DMD: variants seen among roughly 807,000 people sequenced by gnomAD.
DMD encodes the protein mutant dystrophin.
In DMD, 63 loss-of-function variants were observed where a neutral mutation model predicts 330.1. The observed-to-expected ratio is 0.19, with a 90% CI of 0.16 to 0.24. DMD has a LOEUF of 0.24. Ranked by LOEUF, DMD falls within the 10% of genes least tolerant of loss-of-function variation. The pLI is 1.00. For synonymous variants in DMD, 1,223 were observed against 959.8 expected, an observed-to-expected ratio of 1.27 and a Z score of -5.07; for missense variants, 3,344 against 2,684.1, an observed-to-expected ratio of 1.25 and a Z score of -5.43.
intron 44 of DMD, among the ~76,000 whole-genome samples, chrX:32,109,173 T>C: frequency 8.9e-6 from 1 of 111,982 alleles, no homozygotes; most frequent in Middle Eastern, 4.7e-3. Flanking sequence ...CTGTGTTTCT[T>C]CTGCTCAGTT....
At chrX:31,968,726 T>G (rs1188019513) in intron 44 of DMD, among the ~76,000 whole-genome samples, 2 of 111,649 alleles carry the variant, frequency 1.8e-5, no homozygotes, top group African/African-American at 6.5e-5. Flanking sequence ...AAAAGCACCC[T>G]CTCGGTTAGC....
intron 1 of DMD, among the ~76,000 whole-genome samples, chrX:33,084,274 A>G (rs750220952): frequency 1.8e-5 from 2 of 112,116 alleles, no homozygotes; most frequent in East Asian, 5.7e-4. Flanking sequence ...GAGCCCCCAA[A>G]TTTGTAACCA....
At chrX:32,824,650 C>T (rs1407413323) in intron 4 of DMD, among the ~76,000 whole-genome samples, 1 of 111,276 alleles carries the variant, frequency 9.0e-6, no homozygotes, top group Non-Finnish European at 1.9e-5. Context: ...ATATGAGGGA[C>T]CCTTGTAATG....
intron 11 of DMD, among the ~76,000 whole-genome samples, chrX:32,629,246 A>G (rs1014666216): frequency 1.8e-5 from 2 of 110,773 alleles, no homozygotes; most frequent in Non-Finnish European, 3.8e-5. Context: ...TGCTGAATTG[A>G]CCCCTTTATC....
intron 7 of DMD, among the ~76,000 whole-genome samples, chrX:32,700,472 A>C (rs1270874829): frequency 9.0e-6 from 1 of 111,167 alleles, no homozygotes; most frequent in African/African-American, 3.3e-5. Context: ...AGGAAAAATA[A>C]GTTCAGGAGA....
chrX:31,358,691 G>A (rs1322667682), intron 60 of DMD, among the ~76,000 whole-genome samples: 1 of 112,493 alleles, frequency 8.9e-6, no homozygotes, highest in Admixed American at 9.4e-5. Context: ...TTTAAAACAG[G>A]TTGTTCCCAT....
At chrX:31,188,361 T>A (rs1396456111) in intron 67 of DMD, among the ~76,000 whole-genome samples, 3 of 111,828 alleles carry the variant, frequency 2.7e-5, no homozygotes, top group African/African-American at 3.3e-5. Context: ...CAGAAAAAAA[T>A]ATATAGGGAT....
intron 20 of DMD, among the ~76,000 whole-genome samples, chrX:32,488,369 G>C (rs964497888): frequency 5.4e-5 from 6 of 110,792 alleles, no homozygotes; most frequent in African/African-American, 1.6e-4. Context: ...ATTCTGATAA[G>C]GCTCTCTAAC....
intron 52 of DMD, among the ~76,000 whole-genome samples, chrX:31,727,982 T>C (rs1645867268): frequency 8.9e-6 from 1 of 112,472 alleles, no homozygotes; most frequent in African/African-American, 3.2e-5. Flanking sequence ...AGAGCGCAGA[T>C]TTTCAAGTCA....
intron 2 of DMD, among the ~76,000 whole-genome samples, chrX:32,986,065 C>T (rs935726355): frequency 8.9e-6 from 1 of 111,824 alleles, no homozygotes; most frequent in Admixed American, 9.5e-5. Context: ...CTCACTTTCC[C>T]TCTCTGTAAA....
chrX:31,680,409 A>T (rs1232525292), intron 52 of DMD, among the ~76,000 whole-genome samples: 1 of 108,406 alleles, frequency 9.2e-6, no homozygotes, highest in Non-Finnish European at 1.9e-5. Context: ...TTGCTCTTGT[A>T]ACCCAGGCTG....
At chrX:32,913,385 G>C (rs1043126586) in intron 2 of DMD, among the ~76,000 whole-genome samples, 3 of 112,154 alleles carry the variant, frequency 2.7e-5, no homozygotes, top group African/African-American at 9.7e-5. Context: ...AATTTAAAGT[G>C]GACTTGCATA....
rs1283881574 is a variant in DMD at position 32,849,620 on chromosome X, C to T, written c.186+108G>A. The T allele has an allele frequency of 6.8e-6, 4 of 587,698 alleles. No individual in the cohort carries two copies. The African/African-American group carries it at 9.0e-5, about 13-fold the overall frequency. 48.4% of individuals were successfully genotyped at this position (587,698 alleles called of 1,213,427 possible). ...TACTAAGGAATAGGTATTGCTGTTT[C>T]AATCAGTACCTAGTCATTCTACTAG... On this transcript the variant is annotated intron_variant, in intron 3 of 78. Coordinates refer to ENST00000357033, the MANE Select transcript of DMD (RefSeq NM_004006.3).
intron 52 of DMD, among the ~76,000 whole-genome samples, chrX:31,685,955 C>T (rs2082663646): frequency 8.9e-6 from 1 of 111,926 alleles, no homozygotes; most frequent in East Asian, 2.8e-4. Context: ...AGTTCCATAA[C>T]TGGCTTAATT....
Position 33,053,780 on chromosome X carries a change from C to T in DMD, c.32-33580G>A, listed in dbSNP as rs904734474. On this transcript the variant is annotated intron_variant, in intron 1 of 78. Coordinates refer to ENST00000357033, the MANE Select transcript of DMD (RefSeq NM_004006.3). ...AAGTTGAGGTGGGAGATGACATTTC[C>T]AGAAGAATAACAGAAGCTAGAATAG... is the stretch of plus-strand genomic sequence containing the variant. Among the ~76,000 whole-genome samples the T allele has an allele frequency of 5.5e-5, 6 of 109,606 alleles. No individual in the cohort carries two copies. In the South Asian group the frequency reaches 1.6e-3, roughly 29 times the overall value.
chrX:32,084,240 GTT>G lies in DMD; in HGVS notation c.6439-115728_6439-115727del, dbSNP rs770857283. On this transcript the variant is annotated intron_variant, in intron 44 of 78. Coordinates refer to ENST00000357033, the MANE Select transcript of DMD (RefSeq NM_004006.3). ...CAATACAGTGAGTGAGTGAGTGTGT[GTT>G]TGTGTATGTGCCTGTGTGTGTGTTG... Among the ~76,000 whole-genome samples, 414 of 111,434 alleles carry G rather than the reference GTT, an allele frequency of 3.7e-3. 1 individual carries two copies. Among genetic ancestry groups the G allele is most frequent in the African/African-American group, 0.013 (404 of 30,661 alleles).
At chrX:32,718,792 T>C (rs1225213462) in intron 7 of DMD, among the ~76,000 whole-genome samples, 1 of 112,213 alleles carries the variant, frequency 8.9e-6, no homozygotes, top group African/African-American at 3.2e-5. Context: ...CTGAATTTCA[T>C]CACTTTAAAA....
At position 31,134,087 on chromosome X, in the gene DMD, G is replaced by A. The variant is rs745378904; in HGVS notation, c.11014+15C>T. 1.7e-6 allele frequency: 2 copies of A among 1,198,140 alleles called. No homozygotes were observed. Among genetic ancestry groups the A allele is most frequent in the Admixed American group, 4.3e-5 (2 of 45,993 alleles). On this transcript the variant is annotated intron_variant, in intron 77 of 78. Transcript: ENST00000357033. ...TCCCAGCAAATCTGAGTCCCTTCTA[G>A]GTATTGGAGCTTACCTCTTGAACTA...
intron 50 of DMD, among the ~76,000 whole-genome samples, chrX:31,788,979 G>A (rs894215942): frequency 2.7e-5 from 3 of 110,631 alleles, no homozygotes; most frequent in East Asian, 5.7e-4. Flanking sequence ...AAAAGATGAC[G>A]TGAGTCTCTT....
Sources: gnomAD v4.1 joint callset for allele counts (sites outside exome capture counted in the v4.1 genomes callset) on GRCh38, gnomAD v4.1.1 for gene constraint, MANE v1.5 for transcripts, NCBI Gene and HGNC (gene_info 2026-07-23, HGNC 2026-07-21) for gene names.